The following LRMDA variants were observed in gnomAD, a reference collection of about 807,000 sequenced individuals.
The protein encoded by LRMDA is leucine-rich melanocyte differentiation-associated protein.
LRMDA carries 18 observed loss-of-function variants against 29.8 expected under a neutral mutation model. The observed-to-expected ratio is 0.60, with a 90% CI of 0.42 to 0.90. The LOEUF (loss-of-function observed/expected upper bound fraction) is 0.90, where lower values mean the gene tolerates loss of function less well. Ranked by LOEUF, LRMDA falls within the 40% of genes least tolerant of loss-of-function variation. The pLI is 0.00. For missense variants in LRMDA, 273 were observed against 273.9 expected, an observed-to-expected ratio of 1.00 and a Z score of 0.02; for synonymous variants, 125 against 109.4, an observed-to-expected ratio of 1.14 and a Z score of -0.89.
intron 5 of LRMDA, among the ~76,000 whole-genome samples, chr10:76,068,057 T>C (rs1402137002): frequency 6.6e-6 from 1 of 152,220 alleles, no homozygotes; most frequent in African/African-American, 2.4e-5. Context: ...TGAACATTGT[T>C]CTGAAGCTGC....
chr10:75,917,589 G>A (rs983728919), intron 2 of LRMDA, among the ~76,000 whole-genome samples: 9 of 152,174 alleles, frequency 5.9e-5, no homozygotes, highest in African/African-American at 1.7e-4. Context: ...AAATATCAAC[G>A]AATGGATTAT....
chr10:75,505,583 C>A (rs1247255359), intron 2 of LRMDA, among the ~76,000 whole-genome samples: 1 of 152,196 alleles, frequency 6.6e-6, no homozygotes, highest in East Asian at 1.9e-4. Context: ...CATCCCATCT[C>A]AGCTCCCTTG....
chr10:76,160,742 G>C (rs1012580141), intron 5 of LRMDA, among the ~76,000 whole-genome samples: 7 of 152,118 alleles, frequency 4.6e-5, no homozygotes, highest in African/African-American at 1.4e-4. Context: ...ACCATGATAG[G>C]TTGGACTCTC....
At chr10:76,300,068 TA>T (rs1840462088) in intron 5 of LRMDA, among the ~76,000 whole-genome samples, 2 of 152,328 alleles carry the variant, frequency 1.3e-5, no homozygotes, top group African/African-American at 2.4e-5. Flanking sequence ...CTTCCTTGTA[TA>T]GGGGCAGATA....
intron 5 of LRMDA, among the ~76,000 whole-genome samples, chr10:76,147,181 A>G (rs985541074): frequency 3.9e-5 from 6 of 152,028 alleles, no homozygotes; most frequent in Admixed American, 1.3e-4. Context: ...GCTCCTCTTG[A>G]GGAGTATCTT....
intron 2 of LRMDA, among the ~76,000 whole-genome samples, chr10:75,646,225 G>A (rs369650723): frequency 1.3e-5 from 2 of 152,170 alleles, no homozygotes; most frequent in African/African-American, 2.4e-5. Flanking sequence ...GTTGTCAGAC[G>A]GTGATGGATG....
chr10:75,668,027 C>T lies in LRMDA; in HGVS notation c.131+229533C>T, dbSNP rs142436494. ...TTTGGTTAATTCCAAAATCAAAATCCGATACACAAAATTTCTGGGGCCTCT... is the reference window on the plus strand; with the variant it reads ...TTTGGTTAATTCCAAAATCAAAATCTGATACACAAAATTTCTGGGGCCTCT... On this transcript the variant is annotated intron_variant, in intron 2 of 6. Transcript: ENST00000611255. 1.1e-4 allele frequency among the ~76,000 whole-genome samples: 17 copies of T among 152,322 alleles called. No homozygotes were observed. In the East Asian group the frequency reaches 2.7e-3, roughly 24 times the overall value.
chr10:75,784,193 A>G (rs1843433045), intron 2 of LRMDA, among the ~76,000 whole-genome samples: 1 of 152,210 alleles, frequency 6.6e-6, no homozygotes, highest in South Asian at 2.1e-4. Flanking sequence ...CAGATCCCAG[A>G]TCTTCCGCTT....
At chr10:75,973,021 ACAGCAGCAGCAGCAGCAG>A (rs3042539) in intron 2 of LRMDA, among the ~76,000 whole-genome samples, 225 of 148,964 alleles carry the variant, frequency 1.5e-3, no homozygotes, top group African/African-American at 1.7e-3. Flanking sequence ...CACTTTAACA[ACAGCAGCAGCAGCAGCAG>A]CAGCAGCAGC....
At chr10:75,674,697 G>A (rs1050711824) in intron 2 of LRMDA, among the ~76,000 whole-genome samples, 1 of 152,142 alleles carries the variant, frequency 6.6e-6, no homozygotes, top group Non-Finnish European at 1.5e-5. Flanking sequence ...AGCGAGCAGG[G>A]AGTTTTGGGA....
At chr10:75,901,468 T>C (rs777635923) in intron 2 of LRMDA, among the ~76,000 whole-genome samples, 1 of 152,224 alleles carries the variant, frequency 6.6e-6, no homozygotes, top group African/African-American at 2.4e-5. Context: ...TAAGAAGACA[T>C]GTGTGTGTCT....
At chr10:75,958,519 A>C (rs1196150816) in intron 2 of LRMDA, among the ~76,000 whole-genome samples, 1 of 152,158 alleles carries the variant, frequency 6.6e-6, no homozygotes, top group Non-Finnish European at 1.5e-5. Flanking sequence ...TCCCCTGAAG[A>C]TATAAAATGT....
chr10:76,304,210 A>G (rs1250050586), intron 5 of LRMDA, among the ~76,000 whole-genome samples: 1 of 152,232 alleles, frequency 6.6e-6, no homozygotes, highest in Non-Finnish European at 1.5e-5. Flanking sequence ...TGAGCCAAGC[A>G]GGTGCTACCT....
chr10:76,484,784 C>A (rs1032903068), intron 6 of LRMDA, among the ~76,000 whole-genome samples: 1 of 151,848 alleles, frequency 6.6e-6, no homozygotes. Context: ...TTTCTCCTTG[C>A]AGTCCTAGTA....
chr10:75,471,151 A>G (rs1309874300), intron 2 of LRMDA, among the ~76,000 whole-genome samples: 2 of 151,580 alleles, frequency 1.3e-5, no homozygotes, highest in Non-Finnish European at 2.9e-5. Flanking sequence ...TTTAACAACC[A>G]TATGTAGTGG....
chr10:76,404,735 C>T (rs1003371564), intron 6 of LRMDA, among the ~76,000 whole-genome samples: 2 of 152,196 alleles, frequency 1.3e-5, no homozygotes, highest in African/African-American at 2.4e-5. Flanking sequence ...AAAACCTCAA[C>T]TTCCCACTTT....
chr10:75,491,377 C>T (rs1844985179), intron 2 of LRMDA, among the ~76,000 whole-genome samples: 1 of 152,142 alleles, frequency 6.6e-6, no homozygotes, highest in African/African-American at 2.4e-5. Context: ...TTTCTGATGT[C>T]GTATAGAAAA....
chr10:75,846,177 T>TTGTGTGTGTGTGTGTG (rs59549881), intron 2 of LRMDA, among the ~76,000 whole-genome samples: 12 of 143,014 alleles, frequency 8.4e-5, no homozygotes, highest in Admixed American at 2.1e-4. Context: ...GTGTGTGTGT[T>TTGTGTGTGTGTGTGTG]TGTGTGTGTG....
intron 2 of LRMDA, among the ~76,000 whole-genome samples, chr10:75,911,711 T>C (rs1162241944): frequency 6.6e-6 from 1 of 152,194 alleles, no homozygotes; most frequent in African/African-American, 2.4e-5. Flanking sequence ...TGAGTCCTTA[T>C]GCTGTGGCTA....
Sources: gnomAD v4.1 joint callset for allele counts (sites outside exome capture counted in the v4.1 genomes callset) on GRCh38, gnomAD v4.1.1 for gene constraint, MANE v1.5 for transcripts, NCBI Gene and HGNC (gene_info 2026-07-23, HGNC 2026-07-21) for gene names.